PDS5B: variants seen among roughly 807,000 people sequenced by gnomAD.
PDS5B encodes PDS5 cohesin associated factor B, also known as sister chromatid cohesion protein PDS5 homolog B.
In PDS5B, 51 loss-of-function variants were observed where a neutral mutation model predicts 184.1. The observed-to-expected ratio is 0.28, with a 90% confidence interval of 0.22 to 0.35. The LOEUF is 0.35. Among genes scored for constraint, PDS5B ranks in the 10% least tolerant of loss-of-function variants. The probability of loss-of-function intolerance (pLI) is 1.00; values close to 1 mark genes in which losing one functional copy is unlikely to be tolerated. For missense variants in PDS5B, 1,180 were observed against 1,723.3 expected (o/e 0.68, Z 5.58); for synonymous variants, 566 against 569.2 (o/e 0.99, Z 0.08).
intron 10 of PDS5B, among the ~76,000 whole-genome samples, chr13:32,681,971 A>G (rs1951260614): frequency 6.6e-6 from 1 of 152,196 alleles, no homozygotes; most frequent in Non-Finnish European, 1.5e-5. Flanking sequence ...ATAAAGTAGT[A>G]TATATTGTAA....
Position 32,773,266 on chromosome 13 carries a change from C to T in PDS5B, c.4250C>T (p.Ser1417Phe). ...SEEVDVFQGS[S>F]PVDDIPQEET... The stretch of plus-strand genomic sequence containing the variant: ...GAAGTAGATGTGTTTCAGGGTAGCT[C>T]TCCTGTCGATGATATTCCACAGGAA... Residue 1417 changes from serine (S) to phenylalanine (F), a missense_variant, in exon 34 of 35, where the codon TCT becomes TTT. By Grantham distance (155) the Ser-to-Phe change is radical (BLOSUM62 -2). Coordinates refer to ENST00000315596, the MANE Select transcript of PDS5B (RefSeq NM_015032.4). 1 of 1,612,934 alleles carries T rather than the reference C, an allele frequency of 6.2e-7. No individual in the cohort carries two copies. Among genetic ancestry groups the T allele is most frequent in the Middle Eastern group, 1.7e-4 (1 of 6,052 alleles).
chr13:32,715,007 G>T (rs4057296), intron 19 of PDS5B, among the ~76,000 whole-genome samples: 1 of 152,072 alleles, frequency 6.6e-6, no homozygotes, highest in East Asian at 1.9e-4. Context: ...AATTACAAGA[G>T]TATTAATTTG....
At chr13:32,743,113 G>T (rs1953617582) in intron 23 of PDS5B, among the ~76,000 whole-genome samples, 1 of 151,884 alleles carries the variant, frequency 6.6e-6, no homozygotes, top group African/African-American at 2.4e-5. Flanking sequence ...ATACTTTAAA[G>T]ATGTACCTGA....
At chr13:32,694,826 C>G (rs929908212) in intron 14 of PDS5B, among the ~76,000 whole-genome samples, 18 of 145,734 alleles carry the variant, frequency 1.2e-4, no homozygotes, top group Non-Finnish European at 9.1e-5. Context: ...TTTTATCAAT[C>G]ATTTAGAATG....
rs764281528 is a variant in PDS5B at position 32,758,093 on chromosome 13, T to G, written c.3063T>G (p.Leu1021=). The change falls in exon 27 of 35, where the codon CTT becomes CTG. Residue 1021 remains leucine, a synonymous_variant. Transcript: ENST00000315596. ...TCCTTTTTTTTTTTTTTAGATGTCTTTGGTTTGTTCTGGAAATATTAATGG... is the reference window on the plus strand; with the variant it reads ...TCCTTTTTTTTTTTTTTAGATGTCTGTGGTTTGTTCTGGAAATATTAATGG... The part of the protein sequence containing the change: ...IEQLKDVKEC[L]WFVLEILMAK... 3.5e-6 allele frequency: 5 copies of G among 1,414,088 alleles called. No individual in the cohort carries two copies. In the East Asian group the frequency reaches 7.3e-5, roughly 21 times the overall value. The allele number at this position is 1,414,088 out of a possible 1,614,324, so 87.6% of individuals were successfully genotyped here.
At chr13:32,588,689 G>A (rs1026444333) in intron 1 of PDS5B, among the ~76,000 whole-genome samples, 1 of 152,210 alleles carries the variant, frequency 6.6e-6, no homozygotes, top group East Asian at 1.9e-4. Context: ...ATTAGAGAGA[G>A]ATGTGGTGAT....
chr13:32,755,690 A>G (rs898350444), intron 25 of PDS5B, 152 bp from the exon 26 acceptor site: 1 of 491,772 alleles, frequency 2.0e-6, no homozygotes, highest in Non-Finnish European at 3.7e-6. Flanking sequence ...TTTTTCTTCA[A>G]GTCATTGTGG....
intron 1 of PDS5B, among the ~76,000 whole-genome samples, chr13:32,601,560 G>T (rs2057975130): frequency 6.6e-6 from 1 of 152,220 alleles, no homozygotes; most frequent in Non-Finnish European, 1.5e-5. Flanking sequence ...ATGGTACCAG[G>T]TGATACTGGA....
chr13:32,685,621 A>T (rs560742887), intron 11 of PDS5B, among the ~76,000 whole-genome samples: 1 of 152,288 alleles, frequency 6.6e-6, no homozygotes, highest in South Asian at 2.1e-4. Context: ...GGAGTTAGAG[A>T]TACAAACTTT....
intron 1 of PDS5B, among the ~76,000 whole-genome samples, chr13:32,603,918 T>C (rs1263112083): frequency 1.3e-5 from 2 of 152,232 alleles, no homozygotes; most frequent in African/African-American, 2.4e-5. Flanking sequence ...TTTTTGCACA[T>C]TGATTTTGTA....
chr13:32,749,457 T>C (rs1394822926), intron 24 of PDS5B, among the ~76,000 whole-genome samples: 3 of 150,096 alleles, frequency 2.0e-5, no homozygotes, highest in African/African-American at 7.5e-5. Flanking sequence ...AGAAAGTACA[T>C]TTGGAGAAAT....
At chr13:32,748,931 T>C (rs1953862912) in intron 24 of PDS5B, among the ~76,000 whole-genome samples, 1 of 152,190 alleles carries the variant, frequency 6.6e-6, no homozygotes, top group Non-Finnish European at 1.5e-5. Context: ...ACCATTCTTA[T>C]TGCTGTAATC....
chr13:32,760,120 T>C (rs1249110556), intron 29 of PDS5B, among the ~76,000 whole-genome samples: 3 of 152,160 alleles, frequency 2.0e-5, no homozygotes, highest in Non-Finnish European at 4.4e-5. Flanking sequence ...CACGCCTGGC[T>C]AATTTTTTGT....
chr13:32,612,676 T>C (rs1231851486), intron 1 of PDS5B, among the ~76,000 whole-genome samples: 1 of 152,236 alleles, frequency 6.6e-6, no homozygotes, highest in Admixed American at 6.5e-5. Flanking sequence ...AATGGATTAA[T>C]GCTGCTATTG....
intron 10 of PDS5B, among the ~76,000 whole-genome samples, chr13:32,679,238 T>C (rs1261974535): frequency 6.6e-6 from 1 of 152,194 alleles, no homozygotes; most frequent in Non-Finnish European, 1.5e-5. Flanking sequence ...TCTTATAATC[T>C]AGTCAAAGTC....
intron 1 of PDS5B, among the ~76,000 whole-genome samples, chr13:32,645,935 C>G (rs901287243): frequency 6.6e-6 from 1 of 151,922 alleles, no homozygotes; most frequent in Admixed American, 6.6e-5. Flanking sequence ...TAATCATACT[C>G]TTATGTAGTG....
chr13:32,728,044 C>G lies in PDS5B; in HGVS notation c.2124-4057C>G, dbSNP rs147988561. ...TGCTGTGTCTTCAAGTTCACTGATA[C>G]TTTTCTCTTGCAGTGTATAATCTGC... On this transcript the variant is annotated intron_variant, in intron 19 of 34. Transcript: ENST00000315596. 3.1e-3 allele frequency among the ~76,000 whole-genome samples: 477 copies of G among 151,814 alleles called. 3 individuals carry two copies. Among genetic ancestry groups the G allele is most frequent in the Middle Eastern group, 0.01 (3 of 294 alleles).
Position 32,741,161 on chromosome 13 carries a change from C to A in PDS5B, c.2475+13C>A. 7.4e-7 allele frequency: 1 copy of A among 1,358,382 alleles called. No homozygotes were observed. The highest frequency in any genetic ancestry group is 1.0e-6 in the Non-Finnish European group (1 of 964,054). 84.1% of individuals were successfully genotyped at this position (1,358,382 alleles called of 1,614,324 possible). On this transcript the variant is annotated intron_variant, in intron 22 of 34. Coordinates refer to ENST00000315596, the MANE Select transcript of PDS5B (RefSeq NM_015032.4). ...GACAATGGTCAAAGTGAGTAATGTG[C>A]ATAGATCTATTGATTTTAATATAAT... is the stretch of plus-strand genomic sequence containing the variant.
chr13:32,682,304 T>C (rs1404837979), intron 10 of PDS5B, among the ~76,000 whole-genome samples: 1 of 152,204 alleles, frequency 6.6e-6, no homozygotes, highest in Non-Finnish European at 1.5e-5. Context: ...CAGTTAGTTC[T>C]CTCACCATTT....
Sources: allele counts gnomAD v4.1 joint callset (sites outside exome capture counted in the v4.1 genomes callset), GRCh38; gene constraint gnomAD v4.1.1; transcripts MANE v1.5; gene names NCBI Gene and HGNC (gene_info 2026-07-23, HGNC 2026-07-21).